PLXDC2: variants seen among roughly 807,000 people sequenced by gnomAD.
PLXDC2 encodes the protein plexin domain-containing protein 2.
In PLXDC2, 40 loss-of-function variants were observed where a neutral mutation model predicts 68.9. The observed-to-expected ratio is 0.58, with a 90% CI of 0.45 to 0.76. The LOEUF (loss-of-function observed/expected upper bound fraction) is 0.76, where lower values mean the gene tolerates loss of function less well. PLXDC2 is among the 30% of genes least tolerant of loss of function. The pLI, the probability that PLXDC2 is intolerant of heterozygous loss-of-function variation, is 0.00. For synonymous variants in PLXDC2, 243 were observed against 234.2 expected, an observed-to-expected ratio of 1.04 and a Z score of -0.34; for missense variants, 644 against 661.9, an observed-to-expected ratio of 0.97 and a Z score of 0.30.
At chr10:20,239,137 A>G (rs1835480370) in intron 12 of PLXDC2, among the ~76,000 whole-genome samples, 1 of 152,120 alleles carries the variant, frequency 6.6e-6, no homozygotes, top group Non-Finnish European at 1.5e-5. Context: ...AAAGATTTGA[A>G]TTCTTCTGTG....
At chr10:20,220,019 A>C (rs1277413810) in intron 12 of PLXDC2, among the ~76,000 whole-genome samples, 1 of 152,156 alleles carries the variant, frequency 6.6e-6, no homozygotes, top group Non-Finnish European at 1.5e-5. Flanking sequence ...GCCATTGTTT[A>C]TATCTATATT....
At chr10:20,230,522 A>C (rs79216221) in intron 12 of PLXDC2, among the ~76,000 whole-genome samples, 1 of 151,480 alleles carries the variant, frequency 6.6e-6, no homozygotes, top group South Asian at 2.1e-4. Context: ...ATACAAAAAA[A>C]TTAGCCGAGC....
chr10:20,057,431 T>A, intron 3 of PLXDC2, among the ~76,000 whole-genome samples: 1 of 152,172 alleles, frequency 6.6e-6, no homozygotes, highest in Non-Finnish European at 1.5e-5. Flanking sequence ...TTCTACCTCA[T>A]TATAGCGTAT....
At chr10:19,839,677 C>T (rs1257483121) in intron 1 of PLXDC2, among the ~76,000 whole-genome samples, 3 of 149,412 alleles carry the variant, frequency 2.0e-5, no homozygotes, top group East Asian at 3.9e-4. Flanking sequence ...ACAGAGAATT[C>T]TTAGTACCTG....
intron 1 of PLXDC2, among the ~76,000 whole-genome samples, chr10:19,911,346 C>T (rs945843640): frequency 6.6e-6 from 1 of 152,114 alleles, no homozygotes. Context: ...CTACACATAA[C>T]TTTAAATACT....
chr10:20,220,024 T>C (rs1245717117), intron 12 of PLXDC2, among the ~76,000 whole-genome samples: 1 of 152,216 alleles, frequency 6.6e-6, no homozygotes, highest in African/African-American at 2.4e-5. Flanking sequence ...TGTTTATATC[T>C]ATATTTGTCT....
rs1024695429 is a variant in PLXDC2 at position 19,838,250 on chromosome 10, A to G, written c.112+21059A>G. Among the ~76,000 whole-genome samples the G allele has an allele frequency of 3.6e-4, 55 of 152,340 alleles. 1 individual carries two copies. The highest frequency in any genetic ancestry group is 1.3e-3 in the African/African-American group (55 of 41,568). Reference sequence around the variant, plus strand: ...AGTGCTTGGATTACAGGTGTGAACCACCATGCCCGGCTAATATATAACTTT... The same window carrying G: ...AGTGCTTGGATTACAGGTGTGAACCGCCATGCCCGGCTAATATATAACTTT... On this transcript the variant is annotated intron_variant, in intron 1 of 13. Transcript: ENST00000377252.
In PLXDC2 at chr10:20,200,880, A is replaced by G. The variant is rs562637134; in HGVS notation, c.1062-10789A>G. ...TCATCAAAAAGATAAAAAGTAACAA[A>G]TGCTGCTGACAAGGACATGGAGAAA... On this transcript the variant is annotated intron_variant, in intron 9 of 13. Transcript: ENST00000377252. 1.2e-4 allele frequency among the ~76,000 whole-genome samples: 19 copies of G among 152,150 alleles called. No homozygotes were observed. The South Asian group carries it at 2.9e-3, about 23-fold the overall frequency.
intron 1 of PLXDC2, among the ~76,000 whole-genome samples, chr10:19,943,861 A>C (rs1833858225): frequency 6.6e-6 from 1 of 152,098 alleles, no homozygotes; most frequent in African/African-American, 2.4e-5. Flanking sequence ...AATAAAGGTG[A>C]TTTGTGTTTC....
intron 1 of PLXDC2, among the ~76,000 whole-genome samples, chr10:19,940,659 G>A (rs970786451): frequency 1.3e-5 from 2 of 151,808 alleles, no homozygotes; most frequent in Non-Finnish European, 2.9e-5. Context: ...AAGAATACAT[G>A]CCAACCACCT....
chr10:19,968,789 A>C (rs1769102235), intron 1 of PLXDC2, among the ~76,000 whole-genome samples: 1 of 152,236 alleles, frequency 6.6e-6, no homozygotes, highest in Non-Finnish European at 1.5e-5. Context: ...TCAGTGATGT[A>C]GATGGTATCC....
chr10:19,968,787 G>A (rs1834305659), intron 1 of PLXDC2, among the ~76,000 whole-genome samples: 1 of 152,198 alleles, frequency 6.6e-6, no homozygotes, highest in Non-Finnish European at 1.5e-5. Flanking sequence ...TTTCAGTGAT[G>A]TAGATGGTAT....
intron 9 of PLXDC2, among the ~76,000 whole-genome samples, chr10:20,183,936 C>T (rs1407462679): frequency 2.0e-5 from 3 of 151,944 alleles, no homozygotes; most frequent in Non-Finnish European, 4.4e-5. Context: ...AAATTTTCCA[C>T]CTCATATTTT....
intron 1 of PLXDC2, among the ~76,000 whole-genome samples, chr10:19,877,636 C>T (rs1049525817): frequency 6.6e-6 from 1 of 152,242 alleles, no homozygotes; most frequent in Admixed American, 6.5e-5. Context: ...GGGCCATGCC[C>T]TAGTGGATCG....
chr10:20,244,514 C>A (rs1228969990), intron 12 of PLXDC2, among the ~76,000 whole-genome samples: 2 of 152,192 alleles, frequency 1.3e-5, no homozygotes, highest in Admixed American at 6.5e-5. Flanking sequence ...CATTAAGCAT[C>A]CATCTGTTAC....
chr10:20,119,138 A>G (rs1451904066), intron 4 of PLXDC2, among the ~76,000 whole-genome samples: 3 of 152,150 alleles, frequency 2.0e-5, no homozygotes, highest in Non-Finnish European at 2.9e-5. Context: ...ACAATCAAGT[A>G]ACGAACATGT....
chr10:20,007,150 C>T (rs1178344246), intron 2 of PLXDC2, among the ~76,000 whole-genome samples: 1 of 152,180 alleles, frequency 6.6e-6, no homozygotes. Flanking sequence ...CTGAATTCCA[C>T]AACTCAGGGA....
chr10:20,188,470 A>T lies in PLXDC2; in HGVS notation c.1061+11061A>T, dbSNP rs1402528798. Among the ~76,000 whole-genome samples the T allele has an allele frequency of 7.2e-5, 11 of 151,758 alleles. No individual in the cohort carries two copies. The Admixed American group carries it at 7.3e-4, about 10-fold the overall frequency. ...TTGCTCTACAGCTCACTAAAGATTC[A>T]TATTCAGTAGGTCCAAAGTGGATCC... On this transcript the variant is annotated intron_variant, in intron 9 of 13. Coordinates refer to ENST00000377252, the MANE Select transcript of PLXDC2 (RefSeq NM_032812.9).
intron 2 of PLXDC2, among the ~76,000 whole-genome samples, chr10:20,011,449 A>C (rs1052866734): frequency 2.0e-5 from 3 of 152,202 alleles, no homozygotes; most frequent in African/African-American, 7.2e-5. Context: ...GCAGTTTAGC[A>C]AAGTGTGAAA....
Sources: allele counts gnomAD v4.1 joint callset (sites outside exome capture counted in the v4.1 genomes callset), GRCh38; gene constraint gnomAD v4.1.1; transcripts MANE v1.5; gene names NCBI Gene and HGNC (gene_info 2026-07-23, HGNC 2026-07-21).